Variants in TMEM212 observed in about 807,000 individuals in gnomAD.
TMEM212 encodes transmembrane protein 212.
In TMEM212, 23 loss-of-function variants were observed where a neutral mutation model predicts 20.5. That is an observed-to-expected ratio of 1.12 (90% CI 0.81 to 1.59). The LOEUF (loss-of-function observed/expected upper bound fraction) is 1.59. TMEM212 is among the 40% of genes most tolerant of loss of function. The pLI is 0.00. For synonymous variants in TMEM212, 76 were observed against 81.6 expected (o/e 0.93, Z 0.37); for missense variants, 211 against 215.0 (o/e 0.98, Z 0.12).
chr3:171,853,527 G>A lies in TMEM212; in HGVS notation c.220G>A (p.Gly74Arg), dbSNP rs1368385222. 6 of 1,531,658 alleles carry A rather than the reference G, an allele frequency of 3.9e-6. No individual in the cohort carries two copies. The highest frequency in any genetic ancestry group is 2.8e-5 in the African/African-American group (2 of 72,684). 94.9% of individuals were successfully genotyped at this position (1,531,658 alleles called of 1,614,324 possible). A position where few individuals can be genotyped will look rare whatever the true frequency, so the allele number is the denominator to read the frequency against. Residue 74 changes from glycine to arginine, a missense_variant and splice_region_variant, in exon 3 of 5, where the codon GGG becomes AGG. Physicochemically the swap from Gly to Arg is moderately radical, Grantham distance 125. Coordinates refer to ENST00000334567, the MANE Select transcript of TMEM212 (RefSeq NM_001164436.2). ...AYREWTQRYL[G>R]EATFTFVILS... The stretch of plus-strand genomic sequence containing the variant: ...CAATTTATTTTTGCTTTATTTTCAG[G>A]GGGAAGCTACTTTCACCTTTGTGAT...
At chr3:171,846,545 T>C (rs1724837220) in intron 1 of TMEM212, among the ~76,000 whole-genome samples, 1 of 152,228 alleles carries the variant, frequency 6.6e-6, no homozygotes, top group Non-Finnish European at 1.5e-5. Flanking sequence ...GTTCAATAAA[T>C]ATTGTTCAAT....
At chr3:171,848,752 T>A (rs1208925763) in intron 1 of TMEM212, among the ~76,000 whole-genome samples, 1 of 152,086 alleles carries the variant, frequency 6.6e-6, no homozygotes, top group Admixed American at 6.5e-5. Flanking sequence ...TGCATAATGA[T>A]GGTTACATAT....
chr3:171,855,908 A>C (rs2108382855), intron 3 of TMEM212, among the ~76,000 whole-genome samples: 1 of 152,316 alleles, frequency 6.6e-6, no homozygotes, highest in South Asian at 2.1e-4. Flanking sequence ...TGAAACACAA[A>C]GATGTTGATT....
chr3:171,845,143 G>A (rs1388971133), intron 1 of TMEM212, among the ~76,000 whole-genome samples: 2 of 152,066 alleles, frequency 1.3e-5, no homozygotes, highest in Non-Finnish European at 2.9e-5. Context: ...AAGTTCTACT[G>A]GAATGCAGAG....
rs1423254351 is a variant in TMEM212, at chr3:171,853,793, A to T, written c.486A>T (p.Thr162=). The T allele has an allele frequency of 7.8e-6, 12 of 1,537,102 alleles. No homozygotes were observed. In the South Asian group the frequency reaches 1.2e-4, roughly 15 times the overall value. The change falls in exon 3 of 5, where the codon ACA becomes ACT. Residue 162 remains threonine (T), a synonymous_variant. Transcript: ENST00000334567. ...GCCTAAGCTTTACCCTACTCTGTACATCCTTGACAGTGTTCATCAAACTTT... is the reference window on the plus strand; with the variant it reads ...GCCTAAGCTTTACCCTACTCTGTACTTCCTTGACAGTGTTCATCAAACTTT... ...DLCLSFTLLC[T]SLTVFIKLSA...
intron 2 of TMEM212, among the ~76,000 whole-genome samples, chr3:171,852,753 T>G (rs532869661): frequency 6.6e-6 from 1 of 152,376 alleles, no homozygotes; most frequent in Admixed American, 6.5e-5. Flanking sequence ...GCATTTCAAC[T>G]GCATAAAACC....
chr3:171,845,746 G>A (rs953330832), intron 1 of TMEM212, among the ~76,000 whole-genome samples: 1 of 152,110 alleles, frequency 6.6e-6, no homozygotes, highest in African/African-American at 2.4e-5. Context: ...GATGTTCTTG[G>A]TAGGAGGTCA....
Position 171,851,902 on chromosome 3 carries a change from G to T in TMEM212, c.160-80G>T, listed in dbSNP as rs893162290. The T allele has an allele frequency of 8.7e-6, 11 of 1,268,860 alleles. No individual in the cohort carries two copies. The African/African-American group carries it at 1.5e-4, about 17-fold the overall frequency. 78.6% of individuals were successfully genotyped at this position (1,268,860 alleles called of 1,614,324 possible). A position where few individuals can be genotyped will look rare whatever the true frequency, so the allele number is the denominator to read the frequency against. ...GTTCCTTCAAGTTCATGATAAAGTTGTCAAACTGTGAGACAGATTGAACTC... is the reference window on the plus strand; with the variant it reads ...GTTCCTTCAAGTTCATGATAAAGTTTTCAAACTGTGAGACAGATTGAACTC... On this transcript the variant is annotated intron_variant, in intron 1 of 4. Coordinates refer to ENST00000334567, the MANE Select transcript of TMEM212 (RefSeq NM_001164436.2).
In TMEM212 at chr3:171,852,224, G is replaced by A. The variant is rs562063777; in HGVS notation, c.219+183G>A. 5.3e-5 allele frequency among the ~76,000 whole-genome samples: 8 copies of A among 150,876 alleles called. No homozygotes were observed. The East Asian group carries it at 5.8e-4, about 11-fold the overall frequency. The stretch of plus-strand genomic sequence containing the variant: ...TAAAAGATTTTTTTTTTTTTGAGAC[G>A]GAGTTTTACTCTGTCCCCCAGGCTG... On this transcript the variant is annotated intron_variant, in intron 2 of 4. Transcript: ENST00000334567.
At chr3:171,852,928 T>C (rs968202993) in intron 2 of TMEM212, among the ~76,000 whole-genome samples, 1 of 152,230 alleles carries the variant, frequency 6.6e-6, no homozygotes, top group Non-Finnish European at 1.5e-5. Context: ...AGATTCTGCA[T>C]GTCTGCCAAG....
intron 4 of TMEM212, chr3:171,857,006 T>C (rs1001483704): frequency 9.2e-6 from 2 of 217,206 alleles, no homozygotes; most frequent in Admixed American, 5.8e-5. Context: ...AGTGCTAGTC[T>C]AGATGAATTA....
At chr3:171,846,414 T>C (rs1250040843) in intron 1 of TMEM212, among the ~76,000 whole-genome samples, 1 of 152,234 alleles carries the variant, frequency 6.6e-6, no homozygotes, top group Non-Finnish European at 1.5e-5. Context: ...TTTCAATTTA[T>C]TGTTTGTATA....
At chr3:171,845,913 GCCAATTTTAAAGC>G (rs1324669921) in intron 1 of TMEM212, among the ~76,000 whole-genome samples, 1 of 152,158 alleles carries the variant, frequency 6.6e-6, no homozygotes, top group African/African-American at 2.4e-5. Context: ...AAAGAGCTTT[GCCAATTTTAAAGC>G]CCTCTTCAAA....
At chr3:171,857,901 T>C (rs1031528985) in intron 4 of TMEM212, among the ~76,000 whole-genome samples, 160 bp from the exon 5 acceptor site, 1 of 151,534 alleles carries the variant, frequency 6.6e-6, no homozygotes, top group African/African-American at 2.4e-5. Context: ...ATAACAAGTG[T>C]TGGTGAGGAT....
At chr3:171,846,547 T>C (rs923580890) in intron 1 of TMEM212, among the ~76,000 whole-genome samples, 5 of 152,228 alleles carry the variant, frequency 3.3e-5, no homozygotes, top group Admixed American at 6.5e-5. Context: ...TCAATAAATA[T>C]TGTTCAATAA....
chr3:171,845,954 C>T (rs547581724), intron 1 of TMEM212, among the ~76,000 whole-genome samples: 21 of 152,262 alleles, frequency 1.4e-4, no homozygotes, highest in African/African-American at 3.1e-4. Flanking sequence ...TAATACTATG[C>T]CTTTCATTTG....
At chr3:171,849,054 C>A (rs1237494433) in intron 1 of TMEM212, among the ~76,000 whole-genome samples, 1 of 151,998 alleles carries the variant, frequency 6.6e-6, no homozygotes, top group African/African-American at 2.4e-5. Context: ...GGCTTTCAAT[C>A]CTGATTTTCT....
At chr3:171,857,414 A>C (rs991338566) in intron 4 of TMEM212, among the ~76,000 whole-genome samples, 1 of 152,216 alleles carries the variant, frequency 6.6e-6, no homozygotes, top group African/African-American at 2.4e-5. Flanking sequence ...TAAAGATTTA[A>C]ATGTAAGACC....
In TMEM212 at chr3:171,849,057, G is replaced by C. The variant is rs536554267; in HGVS notation, c.160-2925G>C. Among the ~76,000 whole-genome samples, 10 of 152,050 alleles carry C rather than the reference G, an allele frequency of 6.6e-5. No homozygotes were observed. In the South Asian group the frequency reaches 2.1e-3, roughly 32 times the overall value. On this transcript the variant is annotated intron_variant, in intron 1 of 4. Transcript: ENST00000334567. ...CTGGTATTACCTGGCTTTCAATCCTGATTTTCTACTCTTCTCTGCCAAGAA... is the reference window on the plus strand; with the variant it reads ...CTGGTATTACCTGGCTTTCAATCCTCATTTTCTACTCTTCTCTGCCAAGAA...
Sources: gnomAD v4.1 joint callset for allele counts (sites outside exome capture counted in the v4.1 genomes callset) on GRCh38, gnomAD v4.1.1 for gene constraint, MANE v1.5 for transcripts, NCBI Gene and HGNC (gene_info 2026-07-23, HGNC 2026-07-21) for gene names.